Variants in CLNK observed in about 807,000 individuals in gnomAD.
CLNK encodes the protein cytokine-dependent hematopoietic cell linker.
A neutral mutation model predicts 68.6 loss-of-function variants in CLNK; 74 were observed. That is an observed-to-expected ratio of 1.08 (90% CI 0.89 to 1.31). CLNK has a LOEUF of 1.31. Among genes scored for constraint, CLNK ranks in the 50% most tolerant of loss-of-function variants. The pLI is 0.00. For missense variants in CLNK, 553 were observed against 515.3 expected, an observed-to-expected ratio of 1.07 and a Z score of -0.71; for synonymous variants, 198 against 172.2, an observed-to-expected ratio of 1.15 and a Z score of -1.17.
the CLNK span, among the ~76,000 whole-genome samples, chr4:10,725,430 C>T: frequency 6.6e-6 from 1 of 152,040 alleles, no homozygotes; most frequent in African/African-American, 2.4e-5. Context: ...GGAGGGCACC[C>T]ACCCCTCCCT....
At chr4:10,546,608 G>A (rs6844309) in intron 8 of CLNK, among the ~76,000 whole-genome samples, 10 of 152,058 alleles carry the variant, frequency 6.6e-5, no homozygotes, top group South Asian at 2.1e-4. Context: ...CTAAGCTTTC[G>A]CCAGAATTTA....
intron 1 of CLNK, among the ~76,000 whole-genome samples, chr4:10,671,188 C>T (rs976364361): frequency 2.0e-5 from 3 of 152,012 alleles, no homozygotes; most frequent in African/African-American, 7.3e-5. Context: ...GAGTTCGAGG[C>T]CAGCCTGGCC....
intron 4 of CLNK, among the ~76,000 whole-genome samples, chr4:10,577,981 A>G (rs1172453933): frequency 2.6e-5 from 4 of 152,048 alleles, no homozygotes; most frequent in Non-Finnish European, 4.4e-5. Flanking sequence ...TGGCCCTGTC[A>G]CTCTTGAGCC....
the CLNK span, among the ~76,000 whole-genome samples, chr4:10,717,355 GGAGGCC>G: frequency 6.6e-6 from 1 of 152,214 alleles, no homozygotes; most frequent in Non-Finnish European, 1.5e-5. Flanking sequence ...CAGCACTTTG[GGAGGCC>G]GAGGCGGACA....
chr4:10,507,115 AT>A (rs1717331579), intron 17 of CLNK, among the ~76,000 whole-genome samples: 1 of 142,320 alleles, frequency 7.0e-6, no homozygotes, highest in African/African-American at 2.7e-5. Context: ...GAAACTCTCC[AT>A]GTTTTTTGTT....
chr4:10,667,521 A>AAGCAC (rs1213414024), intron 2 of CLNK, among the ~76,000 whole-genome samples: 1 of 151,890 alleles, frequency 6.6e-6, no homozygotes, highest in Non-Finnish European at 1.5e-5. Flanking sequence ...CTGTGGGAAA[A>AAGCAC]AGCACACAAA....
At chr4:10,627,888 G>A (rs1722738579) in intron 2 of CLNK, among the ~76,000 whole-genome samples, 1 of 152,102 alleles carries the variant, frequency 6.6e-6, no homozygotes, top group African/African-American at 2.4e-5. Context: ...ATCAGGCTTA[G>A]GTCAGGCCTC....
the CLNK span, among the ~76,000 whole-genome samples, chr4:10,734,171 C>G: frequency 6.6e-6 from 1 of 152,104 alleles, no homozygotes; most frequent in South Asian, 2.1e-4. Flanking sequence ...ATCAAGTTAG[C>G]CAAAAGTCAG....
rs1340411952 is a variant in CLNK, at chr4:10,490,419, C to A, written c.*48G>T. ...AATAAACTTTTGAAATCAATGAAAA[C>A]AATGGAAGCGCTGAATCCAGTAAAC... On this transcript the variant is annotated 3_prime_UTR_variant, in exon 19 of 19. Transcript: ENST00000226951. 1 of 1,582,200 alleles carries A rather than the reference C, an allele frequency of 6.3e-7. No individual in the cohort carries two copies. Among genetic ancestry groups the A allele is most frequent in the Non-Finnish European group, 8.6e-7 (1 of 1,167,094 alleles).
intron 1 of CLNK, among the ~76,000 whole-genome samples, chr4:10,678,968 C>T (rs953126075): frequency 2.0e-5 from 3 of 152,114 alleles, no homozygotes; most frequent in African/African-American, 7.2e-5. Flanking sequence ...AATGCCATCC[C>T]CATCAAGCTA....
chr4:10,650,763 A>G (rs1723696868), intron 2 of CLNK, among the ~76,000 whole-genome samples: 3 of 152,298 alleles, frequency 2.0e-5, no homozygotes, highest in South Asian at 4.1e-4. Context: ...GCAATCCTCA[A>G]TGGAAGGTTT....
intron 8 of CLNK, among the ~76,000 whole-genome samples, chr4:10,549,833 T>C (rs752647356): frequency 9.9e-5 from 15 of 152,248 alleles, no homozygotes; most frequent in East Asian, 1.9e-4. Context: ...AAGCCAGGCA[T>C]GCTCTCCACC....
chr4:10,508,234 C>A (rs1291484447), intron 16 of CLNK, among the ~76,000 whole-genome samples, 198 bp from the exon 17 acceptor site: 1 of 152,212 alleles, frequency 6.6e-6, no homozygotes, highest in Non-Finnish European at 1.5e-5. Flanking sequence ...GAAAAAGTTA[C>A]TGCAGCTGGG....
chr4:10,678,313 A>G (rs150920574), intron 1 of CLNK, among the ~76,000 whole-genome samples: 3 of 152,182 alleles, frequency 2.0e-5, no homozygotes, highest in Non-Finnish European at 4.4e-5. Context: ...AAGATGATGA[A>G]AGTGAAAGCA....
At chr4:10,583,945 C>T (rs1720878916) in intron 4 of CLNK, among the ~76,000 whole-genome samples, 1 of 152,210 alleles carries the variant, frequency 6.6e-6, no homozygotes, top group South Asian at 2.1e-4. Flanking sequence ...TTAGAATATT[C>T]TCTTCCCTCC....
At chr4:10,707,026 C>T in the CLNK span, among the ~76,000 whole-genome samples, 5 of 58,706 alleles carry the variant, frequency 8.5e-5, no homozygotes, top group Non-Finnish European at 4.3e-5. Context: ...AGGCAATCCA[C>T]CTGCTTAGGC....
the CLNK span, among the ~76,000 whole-genome samples, chr4:10,702,854 G>A: frequency 6.6e-6 from 1 of 152,154 alleles, no homozygotes; most frequent in East Asian, 1.9e-4. Context: ...TGAGATAAGA[G>A]CTGCACTTTC....
At chr4:10,729,712 G>A in the CLNK span, among the ~76,000 whole-genome samples, 1 of 152,160 alleles carries the variant, frequency 6.6e-6, no homozygotes, top group African/African-American at 2.4e-5. Flanking sequence ...TGCTCTTGAT[G>A]TCCCTTAAAC....
At chr4:10,678,654 A>G (rs1296084987) in intron 1 of CLNK, among the ~76,000 whole-genome samples, 1 of 152,212 alleles carries the variant, frequency 6.6e-6, no homozygotes, top group Non-Finnish European at 1.5e-5. Flanking sequence ...AATCTCCTTA[A>G]GCTGATAGGC....
Sources: gnomAD v4.1 joint callset for allele counts (sites outside exome capture counted in the v4.1 genomes callset) on GRCh38, gnomAD v4.1.1 for gene constraint, MANE v1.5 for transcripts, NCBI Gene and HGNC (gene_info 2026-07-23, HGNC 2026-07-21) for gene names.